MAST1: variants seen among roughly 807,000 people sequenced by gnomAD.
MAST1 encodes microtubule-associated serine/threonine-protein kinase 1.
Under a neutral mutation model 124.6 loss-of-function variants are expected in MAST1, and 40 were observed. That is an observed-to-expected ratio of 0.32 (90% confidence interval 0.25 to 0.42). The LOEUF is 0.42. MAST1 is among the 10% of genes least tolerant of loss of function. The pLI is 1.00. For synonymous variants in MAST1, 938 were observed against 939.4 expected, an observed-to-expected ratio of 1.00 and a Z score of 0.03; for missense variants, 1,558 against 2,181.9, an observed-to-expected ratio of 0.71 and a Z score of 5.70.
In MAST1 at chr19:12,847,044, T is replaced by C. The variant is rs2145889686; in HGVS notation, c.328-246T>C. ...GTAAGGTGGGAGCCACCAAGGGTTC[T>C]GAACAGAGGAGGCTCATGACTTGAC... On this transcript the variant is annotated intron_variant, in intron 4 of 25. Coordinates refer to ENST00000251472, the MANE Select transcript of MAST1 (RefSeq NM_014975.3). This position sits in a 1 kb window ranked among gnomAD's most constrained non-coding sequence, Gnocchi z 5.5. 6.6e-6 allele frequency among the ~76,000 whole-genome samples: 1 copy of C among 152,128 alleles called. No homozygotes were observed. The highest frequency in any genetic ancestry group is 1.9e-4 in the East Asian group (1 of 5,186).
chr19:12,856,560 C>A (rs188977444), intron 10 of MAST1, among the ~76,000 whole-genome samples: 1 of 152,358 alleles, frequency 6.6e-6, no homozygotes, highest in Non-Finnish European at 1.5e-5. Flanking sequence ...TTGCCTTGGC[C>A]TCCCAAAGTG....
intron 23 of MAST1, 36 bp from the exon 24 acceptor site, chr19:12,871,000 C>A: frequency 3.1e-6 from 5 of 1,613,902 alleles, no homozygotes; most frequent in Non-Finnish European, 4.2e-6. Flanking sequence ...GCCTGAGCAG[C>A]CCCTAGCAGA....
chr19:12,845,071 G>C (rs538860224), intron 4 of MAST1, among the ~76,000 whole-genome samples: 2 of 152,224 alleles, frequency 1.3e-5, no homozygotes, highest in East Asian at 3.9e-4. Flanking sequence ...GGAGGCTGAA[G>C]CGGGTGGATC....
intron 8 of MAST1, 33 bp from the exon 9 acceptor site, chr19:12,852,082 G>A: frequency 1.2e-6 from 2 of 1,613,678 alleles, no homozygotes; most frequent in Non-Finnish European, 1.7e-6. Context: ...GACCCTGGGA[G>A]CCTGTGGTGA....
At chr19:12,864,747 T>C (rs1970129322) in intron 12 of MAST1, 62 bp from the exon 13 acceptor site, 1 of 1,600,282 alleles carries the variant, frequency 6.2e-7, no homozygotes, top group Admixed American at 1.7e-5. Flanking sequence ...GTTGGTGCTA[T>C]GGTGCATGTC....
chr19:12,871,871 T>C (rs1393659513), intron 24 of MAST1, among the ~76,000 whole-genome samples: 1 of 126,470 alleles, frequency 7.9e-6, no homozygotes, highest in East Asian at 2.5e-4. Flanking sequence ...AGCTATGATC[T>C]CACCACTGCA....
chr19:12,848,074 G>C lies in MAST1; in HGVS notation c.774+17G>C. On this transcript the variant is annotated intron_variant, in intron 7 of 25. Coordinates refer to ENST00000251472, the MANE Select transcript of MAST1 (RefSeq NM_014975.3). ...CTTCAAGACGTGAGTGCACGCGGAG[G>C]CCGGGCTGATCTCAGGCTCAGCACC... 1 of 1,609,336 alleles carries C rather than the reference G, an allele frequency of 6.2e-7. No homozygotes were observed. Among genetic ancestry groups the C allele is most frequent in the Non-Finnish European group, 8.5e-7 (1 of 1,177,572 alleles).
chr19:12,866,619 G>A lies in MAST1; in HGVS notation c.2030-34G>A, dbSNP rs550944821. Reference sequence around the variant, plus strand: ...GGGATGTGATATGAGGAGGAACCCCGTACCCTCAGTCACAGCCCATACCCG... The same window carrying A: ...GGGATGTGATATGAGGAGGAACCCCATACCCTCAGTCACAGCCCATACCCG... On this transcript the variant is annotated intron_variant, in intron 17 of 25. Transcript: ENST00000251472. The surrounding 1 kb of genome is among the most constrained non-coding windows in gnomAD (Gnocchi z 5.2). 9 of 1,438,990 alleles carry A rather than the reference G, an allele frequency of 6.3e-6. No individual in the cohort carries two copies. The highest frequency in any genetic ancestry group is 4.2e-5 in the African/African-American group (3 of 71,260). The allele number at this position is 1,438,990 out of a possible 1,614,324, so 89.1% of individuals were successfully genotyped here.
In MAST1 at chr19:12,852,312, C is replaced by G; in HGVS notation, c.1010-16C>G. ...GCCCAGAACCCAGCTCGTGCTCACT[C>G]TCAGTCCCTCCCTAGATGTGGTGCA... On this transcript the variant is annotated splice_polypyrimidine_tract_variant and intron_variant, in intron 9 of 25. Coordinates refer to ENST00000251472, the MANE Select transcript of MAST1 (RefSeq NM_014975.3). 1 of 1,614,140 alleles carries G rather than the reference C, an allele frequency of 6.2e-7. No homozygotes were observed. The highest frequency in any genetic ancestry group is 2.2e-5 in the East Asian group (1 of 44,878).
At chr19:12,852,545 T>C in intron 10 of MAST1, 150 bp downstream of exon 10, 2 of 759,192 alleles carry the variant, frequency 2.6e-6, no homozygotes. Context: ...GGATTAATAA[T>C]AGCTCTTCCA....
rs199682318 is a variant in MAST1, at chr19:12,867,971, G to C, written c.2560G>C (p.Glu854Gln). 9 of 1,546,298 alleles carry C rather than the reference G, an allele frequency of 5.8e-6. No homozygotes were observed. Among genetic ancestry groups the C allele is most frequent in the Middle Eastern group, 3.5e-4 (2 of 5,696 alleles). ...GEGTSSAGDS[E>Q]ATDRPRPGDL... ...AGGCACCTCCAGCGCCGGGGACTCCGAGGCCAGTGAGTGCCCTATCGTGCT... is the reference window on the plus strand; with the variant it reads ...AGGCACCTCCAGCGCCGGGGACTCCCAGGCCAGTGAGTGCCCTATCGTGCT... The change falls in exon 20 of 26, where the codon GAG becomes CAG. Residue 854 changes from glutamate (E) to glutamine (Q), a missense_variant. This residue lies in a region of MAST1 where 287 missense variants were observed against 308.0 expected (regional missense o/e 0.93). Coordinates refer to ENST00000251472, the MANE Select transcript of MAST1 (RefSeq NM_014975.3).
At chr19:12,844,912 T>C (rs1182103922) in intron 4 of MAST1, among the ~76,000 whole-genome samples, 2 of 152,160 alleles carry the variant, frequency 1.3e-5, no homozygotes, top group Non-Finnish European at 2.9e-5. Context: ...AAATTGTGAT[T>C]ATGTAGGCTA....
chr19:12,840,313 C>T, intron 1 of MAST1, 133 bp from the exon 2 acceptor site: 1 of 645,424 alleles, frequency 1.5e-6, no homozygotes, highest in Non-Finnish European at 2.8e-6. Flanking sequence ...CTTCGAGAAA[C>T]CCTCCCAGGG....
chr19:12,871,193 C>T (rs1218381375), intron 24 of MAST1, 21 bp downstream of exon 24: 1 of 1,613,502 alleles, frequency 6.2e-7, no homozygotes, highest in South Asian at 1.1e-5. Context: ...CCGTAAACAG[C>T]CTGGTCTTTG....
chr19:12,845,252 A>G (rs1969877646), intron 4 of MAST1, among the ~76,000 whole-genome samples: 2 of 151,574 alleles, frequency 1.3e-5, no homozygotes, highest in South Asian at 4.2e-4. Flanking sequence ...GCAGTGAGCC[A>G]AGACTGCACC....
Position 12,865,950 on chromosome 19 carries a change from C to T in MAST1, c.1907-30C>T. 1 of 1,612,578 alleles carries T rather than the reference C, an allele frequency of 6.2e-7. No homozygotes were observed. Among genetic ancestry groups the T allele is most frequent in the Non-Finnish European group, 8.5e-7 (1 of 1,179,650 alleles). On this transcript the variant is annotated intron_variant, in intron 16 of 25. Transcript: ENST00000251472. This position sits in a 1 kb window ranked among gnomAD's most constrained non-coding sequence, Gnocchi z 7.1. Reference sequence around the variant, plus strand: ...GGGGCTGGGCTGCTGGGTTGGCCATCAGCTGTGGCTGGAATCCCTTCCGTC... The same window carrying T: ...GGGGCTGGGCTGCTGGGTTGGCCATTAGCTGTGGCTGGAATCCCTTCCGTC...
intron 23 of MAST1, 22 bp downstream of exon 23, chr19:12,870,968 C>T: frequency 6.2e-7 from 1 of 1,613,506 alleles, no homozygotes; most frequent in South Asian, 1.1e-5. Context: ...GAAGGAGGCA[C>T]CCTGGGCGGA....
At chr19:12,840,179 C>T (rs980329159) in intron 1 of MAST1, among the ~76,000 whole-genome samples, 3 of 152,234 alleles carry the variant, frequency 2.0e-5, no homozygotes, top group Non-Finnish European at 4.4e-5. Flanking sequence ...GTCACCTAGA[C>T]ACAGTGACTA....
intron 1 of MAST1, among the ~76,000 whole-genome samples, chr19:12,839,702 A>G (rs1411412838): frequency 1.3e-5 from 2 of 152,194 alleles, no homozygotes; most frequent in African/African-American, 2.4e-5. Flanking sequence ...ACAGTATCGG[A>G]CACAGACTCA....
Sources: gnomAD v4.1 joint callset for allele counts (sites outside exome capture counted in the v4.1 genomes callset) on GRCh38, gnomAD v4.1.1 for gene constraint, gnomAD v4.1.1 regional missense constraint, Gnocchi (gnomAD v3.1) non-coding constraint, MANE v1.5 for transcripts, NCBI Gene and HGNC (gene_info 2026-07-23, HGNC 2026-07-21) for gene names.